Variants in HTT observed in about 807,000 individuals in gnomAD.
The protein encoded by HTT is huntington disease protein.
In HTT, 104 loss-of-function variants were observed where a neutral mutation model predicts 362.3. That is an observed-to-expected ratio of 0.29 (90% CI 0.24 to 0.34). The LOEUF (loss-of-function observed/expected upper bound fraction) is 0.34, where lower values mean the gene tolerates loss of function less well. HTT is among the 10% of genes least tolerant of loss of function. The probability of loss-of-function intolerance (pLI) is 1.00; values close to 1 mark genes in which losing one functional copy is unlikely to be tolerated. For missense variants in HTT, 3,301 were observed against 3,928.6 expected (o/e 0.84, Z 4.27); for synonymous variants, 1,577 against 1,548.7 (o/e 1.02, Z -0.43).
chr4:3,172,842 T>C, intron 30 of HTT, 66 bp from the exon 31 acceptor site: 1 of 1,078,546 alleles, frequency 9.3e-7, no homozygotes, highest in Non-Finnish European at 1.4e-6. Context: ...ATTTGATATT[T>C]GTGTGGGAGA....
chr4:3,209,944 A>G lies in HTT; in HGVS notation c.6409A>G (p.Asn2137Asp). 16 of 1,613,874 alleles carry G rather than the reference A, an allele frequency of 9.9e-6. No homozygotes were observed. Among genetic ancestry groups the G allele is most frequent in the Non-Finnish European group, 1.4e-5 (16 of 1,179,854 alleles). The change falls in exon 47 of 67, where the codon AAC becomes GAC. Residue 2137 changes from asparagine (N) to aspartate (D), a missense_variant. Physicochemically the swap from Asn to Asp is conservative, Grantham distance 23. Transcript: ENST00000355072. Reference sequence around the variant, plus strand: ...TGAAGATATGAATGCCTTCATGATGAACTCGGTACGGGGGGAGCAGTGGAG... The same window carrying G: ...TGAAGATATGAATGCCTTCATGATGGACTCGGTACGGGGGGAGCAGTGGAG... ...PAEDMNAFMM[N>D]SEFNLSLLAP... is the part of the protein sequence containing the mutation.
Position 3,092,233 on chromosome 4 carries a change from A to G in HTT, c.347+5211A>G, listed in dbSNP as rs549398783. On this transcript the variant is annotated intron_variant, in intron 2 of 66. Transcript: ENST00000355072. ...GAGATGGGGTTTCACTGTGTTGGCC[A>G]GACTGGTCTCGAACTCCTGACCTCA... Among the ~76,000 whole-genome samples, 283 of 152,272 alleles carry G rather than the reference A, an allele frequency of 1.9e-3. 1 individual carries two copies. Among genetic ancestry groups the G allele is most frequent in the Middle Eastern group, 6.8e-3 (2 of 294 alleles).
intron 1 of HTT, among the ~76,000 whole-genome samples, chr4:3,078,981 G>C (rs556019437): frequency 2.6e-4 from 40 of 152,080 alleles, no homozygotes; most frequent in South Asian, 1.3e-3. Flanking sequence ...GTCATCCGCC[G>C]ACCTTGTGAT....
intron 35 of HTT, among the ~76,000 whole-genome samples, chr4:3,178,692 G>T (rs1011312126): frequency 2.6e-5 from 4 of 152,128 alleles, no homozygotes; most frequent in African/African-American, 9.7e-5. Flanking sequence ...ATAACCTAAG[G>T]TACAGATAGA....
At chr4:3,194,625 T>C (rs1042409306) in intron 40 of HTT, among the ~76,000 whole-genome samples, 1 of 152,214 alleles carries the variant, frequency 6.6e-6, no homozygotes, top group African/African-American at 2.4e-5. Context: ...TGGCAGGAGC[T>C]GCTGCCCCTT....
chr4:3,158,986 C>G (rs1438532859), intron 28 of HTT, among the ~76,000 whole-genome samples: 1 of 152,198 alleles, frequency 6.6e-6, no homozygotes, highest in African/African-American at 2.4e-5. Flanking sequence ...TCTTGGACTC[C>G]TGTTTCCTTT....
chr4:3,079,161 G>A (rs1712748718), intron 1 of HTT, among the ~76,000 whole-genome samples: 1 of 151,814 alleles, frequency 6.6e-6, no homozygotes, highest in African/African-American at 2.4e-5. Flanking sequence ...CTCCCAAAGT[G>A]CTAGGATTAC....
At chr4:3,204,278 A>G (rs979235929) in intron 42 of HTT, 130 bp downstream of exon 42, 8 of 814,572 alleles carry the variant, frequency 9.8e-6, no homozygotes, top group African/African-American at 1.7e-5. Flanking sequence ...CATCGAAACT[A>G]AATCTAGAAT....
chr4:3,133,054 G>A (rs1437133898), intron 18 of HTT, 143 bp downstream of exon 18: 1 of 670,330 alleles, frequency 1.5e-6, no homozygotes, highest in East Asian at 2.6e-5. Context: ...CCATCTCTCA[G>A]CTTTAGAAAG....
chr4:3,160,023 AATT>A (rs778323391), intron 28 of HTT, among the ~76,000 whole-genome samples: 79 of 152,320 alleles, frequency 5.2e-4, no homozygotes, highest in Admixed American at 1.6e-3. Flanking sequence ...GAAAGTTAGG[AATT>A]ATTTCTTCCA....
At chr4:3,229,841 A>C in intron 59 of HTT, 46 bp from the exon 60 acceptor site, 1 of 1,604,576 alleles carries the variant, frequency 6.2e-7, no homozygotes, top group East Asian at 2.2e-5. Flanking sequence ...CCTGGATTCT[A>C]ACAGCGCGAT....
Position 3,206,644 on chromosome 4 carries a change from C to T in HTT, c.5867C>T (p.Ala1956Val). The change falls in exon 43 of 67, where the codon GCA becomes GTA. Residue 1956 changes from alanine to valine, a missense_variant. Coordinates refer to ENST00000355072, the MANE Select transcript of HTT (RefSeq NM_001388492.1). The surrounding 1 kb of genome is among the most constrained non-coding windows in gnomAD (Gnocchi z 4.6). ...NSAASGLFIQAIQSRCENLST... is the reference protein window; with the variant it reads ...NSAASGLFIQVIQSRCENLST... ...GCTGCCAGCGGCCTGTTCATCCAGG[C>T]AATTCAGTCTCGTTGTGAAAACCTT... 1 of 1,614,220 alleles carries T rather than the reference C, an allele frequency of 6.2e-7. No individual in the cohort carries two copies. The highest frequency in any genetic ancestry group is 8.5e-7 in the Non-Finnish European group (1 of 1,180,046).
At chr4:3,133,948 G>T (rs1317726425) in intron 18 of HTT, among the ~76,000 whole-genome samples, 1 of 152,170 alleles carries the variant, frequency 6.6e-6, no homozygotes, top group Non-Finnish European at 1.5e-5. Context: ...TGGGGCTGCA[G>T]GGGAGGGGTA....
At chr4:3,131,189 T>C in intron 14 of HTT, 97 bp from the exon 15 acceptor site, 1 of 914,292 alleles carries the variant, frequency 1.1e-6, no homozygotes, top group Non-Finnish European at 1.8e-6. Flanking sequence ...CCCCAGCACC[T>C]GGCTTAAGTG....
rs762266111 is a variant in HTT at position 3,240,066 on chromosome 4, T to C, written c.*7T>C. ...CAAGGTCACCACCTGCTGAGCGCCA[T>C]GGTGGGAGAGACTGTGAGGCGGCAG... is the stretch of plus-strand genomic sequence containing the variant. On this transcript the variant is annotated 3_prime_UTR_variant, in exon 67 of 67. Coordinates refer to ENST00000355072, the MANE Select transcript of HTT (RefSeq NM_001388492.1). 27 of 1,575,900 alleles carry C rather than the reference T, an allele frequency of 1.7e-5. No homozygotes were observed. In the South Asian group the frequency reaches 3.1e-4, roughly 18 times the overall value.
chr4:3,132,954 C>A, intron 18 of HTT, 43 bp downstream of exon 18: 1 of 1,325,698 alleles, frequency 7.5e-7, no homozygotes, highest in Non-Finnish European at 1.1e-6. Flanking sequence ...ACTTAGTGGA[C>A]ATTTTATCAT....
At chr4:3,233,128 G>A in intron 60 of HTT, 35 bp from the exon 61 acceptor site, 1 of 1,546,234 alleles carries the variant, frequency 6.5e-7, no homozygotes, top group Non-Finnish European at 8.8e-7. Flanking sequence ...GTGAGCTCTG[G>A]TGGCATGCAG....
At chr4:3,204,796 G>T (rs1186368756) in intron 42 of HTT, among the ~76,000 whole-genome samples, 1 of 152,098 alleles carries the variant, frequency 6.6e-6, no homozygotes, top group East Asian at 1.9e-4. Flanking sequence ...GAGAAACCCT[G>T]CCTCTACCAA....
At chr4:3,221,948 G>A (rs926452204) in intron 53 of HTT, among the ~76,000 whole-genome samples, 1 of 152,246 alleles carries the variant, frequency 6.6e-6, no homozygotes, top group African/African-American at 2.4e-5. Context: ...CAGCTTGGTG[G>A]CCATTAGTTT....
Sources: allele counts gnomAD v4.1 joint callset (sites outside exome capture counted in the v4.1 genomes callset), GRCh38; gene constraint gnomAD v4.1.1; non-coding constraint Gnocchi (gnomAD v3.1); transcripts MANE v1.5; gene names NCBI Gene and HGNC (gene_info 2026-07-23, HGNC 2026-07-21).